EMSY: variants seen among roughly 807,000 people sequenced by gnomAD.
EMSY encodes EMSY transcriptional repressor, BRCA2 interacting, also known as BRCA2-interacting transcriptional repressor EMSY.
Under a neutral mutation model 134.6 loss-of-function variants are expected in EMSY, and 26 were observed. The observed-to-expected ratio is 0.19, with a 90% CI of 0.14 to 0.27. EMSY has a LOEUF of 0.27. Among genes scored for constraint, EMSY ranks in the 10% least tolerant of loss-of-function variants. The probability of loss-of-function intolerance (pLI) is 1.00; values close to 1 mark genes in which losing one functional copy is unlikely to be tolerated. For synonymous variants in EMSY, 579 were observed against 577.8 expected (o/e 1.00, Z -0.03); for missense variants, 1,305 against 1,611.4 (o/e 0.81, Z 3.26).
chr11:76,548,548 C>T (rs1339560475), intron 20 of EMSY, among the ~76,000 whole-genome samples: 3 of 152,124 alleles, frequency 2.0e-5, no homozygotes, highest in African/African-American at 7.2e-5. Flanking sequence ...CACAGTGTAT[C>T]CTCCAACTAT....
intron 9 of EMSY, among the ~76,000 whole-genome samples, chr11:76,506,672 G>A (rs763997691): frequency 2.6e-5 from 4 of 152,094 alleles, no homozygotes; most frequent in Admixed American, 6.5e-5. Flanking sequence ...ACATCCACCC[G>A]CCCCTATCAC....
chr11:76,486,941 TATACAA>T (rs1590867869), intron 8 of EMSY, among the ~76,000 whole-genome samples: 1 of 152,220 alleles, frequency 6.6e-6, no homozygotes, highest in East Asian at 1.9e-4. Flanking sequence ...CATGTCAGTT[TATACAA>T]TCAGAGAGAA....
chr11:76,499,152 G>A (rs1949759159), intron 9 of EMSY, among the ~76,000 whole-genome samples: 1 of 152,054 alleles, frequency 6.6e-6, no homozygotes, highest in African/African-American at 2.4e-5. Context: ...AGTAGAGACA[G>A]GGTTTTACCA....
At position 76,545,984 on chromosome 11, in the gene EMSY, T is replaced by C. The variant is rs1446452240; in HGVS notation, c.3461T>C (p.Leu1154Ser). The C allele has an allele frequency of 1.2e-5, 20 of 1,614,078 alleles. No individual in the cohort carries two copies. In the Admixed American group the frequency reaches 3.3e-4, roughly 27 times the overall value. Residue 1154 changes from leucine (L) to serine (S), a missense_variant, in exon 20 of 21, where the codon TTG (leucine) becomes TCG (serine). Leu to Ser is a moderately radical substitution (Grantham distance 145). Around this residue, in one of 7 missense-constraint regions of EMSY, gnomAD observed 664 missense variants for 763.9 expected, o/e 0.87. Transcript: ENST00000334736. ...GTGTCTGACATTTTGAAAATGTCTT[T>C]GATGGAAGCTCAGATTGATACAAAT...
chr11:76,548,476 C>A (rs527560748), intron 20 of EMSY, among the ~76,000 whole-genome samples: 25 of 152,244 alleles, frequency 1.6e-4, no homozygotes, highest in African/African-American at 5.3e-4. Context: ...CAAGATGTAT[C>A]TTCTATTATA....
At chr11:76,479,396 A>G (rs1208521302) in intron 8 of EMSY, among the ~76,000 whole-genome samples, 2 of 152,168 alleles carry the variant, frequency 1.3e-5, no homozygotes, top group Admixed American at 1.3e-4. Context: ...GTACACCCAG[A>G]TTCCCCTCAC....
intron 7 of EMSY, among the ~76,000 whole-genome samples, chr11:76,471,005 A>T (rs1201128902): frequency 6.6e-6 from 1 of 151,872 alleles, no homozygotes; most frequent in Non-Finnish European, 1.5e-5. Context: ...CTTTTTCTCC[A>T]TTCTTCATAT....
At chr11:76,489,547 T>G (rs971309087) in intron 8 of EMSY, among the ~76,000 whole-genome samples, 2 of 152,040 alleles carry the variant, frequency 1.3e-5, no homozygotes, top group Non-Finnish European at 2.9e-5. Flanking sequence ...TCCATGTCTG[T>G]CTTTTCTGAT....
chr11:76,548,358 CTG>C (rs1427172507), intron 20 of EMSY, among the ~76,000 whole-genome samples: 1 of 152,130 alleles, frequency 6.6e-6, no homozygotes, highest in Non-Finnish European at 1.5e-5. Flanking sequence ...TGTGGACAGT[CTG>C]TATTTTATTC....
rs535482010 is a variant in EMSY at position 76,539,676 on chromosome 11, G to A, written c.2557+36G>A. 2.5e-6 allele frequency: 4 copies of A among 1,599,934 alleles called. No individual in the cohort carries two copies. The Admixed American group carries it at 5.0e-5, about 20-fold the overall frequency. ...TGCATCCATTTGTAGTATCACTGAA[G>A]GTAAAAGATGATTGTTTTGGGGGGA... On this transcript the variant is annotated intron_variant, in intron 17 of 20. Transcript: ENST00000334736.
At chr11:76,523,882 C>T (rs1950748198) in intron 12 of EMSY, among the ~76,000 whole-genome samples, 1 of 151,196 alleles carries the variant, frequency 6.6e-6, no homozygotes, top group Admixed American at 6.6e-5. Flanking sequence ...CCCACCTCTA[C>T]CAAAATTTAT....
chr11:76,478,029 A>G (rs1349527610), intron 8 of EMSY, among the ~76,000 whole-genome samples: 1 of 152,070 alleles, frequency 6.6e-6, no homozygotes, highest in Non-Finnish European at 1.5e-5. Flanking sequence ...GTTACTTCCA[A>G]TTACGTTGTT....
chr11:76,551,304 T>G (rs1438802742), exon 21 of EMSY: 2 of 152,682 alleles, frequency 1.3e-5, no homozygotes, highest in East Asian at 3.8e-4. Context: ...GAAACTATAC[T>G]TTTCATTTTT....
At chr11:76,501,768 A>T (rs1590910433) in intron 9 of EMSY, among the ~76,000 whole-genome samples, 1 of 152,206 alleles carries the variant, frequency 6.6e-6, no homozygotes, top group Non-Finnish European at 1.5e-5. Flanking sequence ...GAAAAGAAAT[A>T]TTCAAAGAAA....
At chr11:76,531,599 G>T (rs923614629) in intron 14 of EMSY, among the ~76,000 whole-genome samples, 1 of 152,044 alleles carries the variant, frequency 6.6e-6, no homozygotes, top group Non-Finnish European at 1.5e-5. Flanking sequence ...TTGATCACTT[G>T]GTTAAGATGA....
chr11:76,445,316 G>C (rs1947332192), intron 1 of EMSY, among the ~76,000 whole-genome samples, 188 bp downstream of exon 1: 1 of 152,148 alleles, frequency 6.6e-6, no homozygotes, highest in Non-Finnish European at 1.5e-5. Context: ...TGGGACTCTG[G>C]GGGTTTAGCT....
At chr11:76,470,857 T>G (rs1432759863) in intron 7 of EMSY, among the ~76,000 whole-genome samples, 1 of 152,146 alleles carries the variant, frequency 6.6e-6, no homozygotes, top group Non-Finnish European at 1.5e-5. Context: ...TTCTTTTCTG[T>G]TTTTAAATTT....
intron 4 of EMSY, among the ~76,000 whole-genome samples, chr11:76,457,192 A>G (rs1056105257): frequency 1.3e-5 from 2 of 152,190 alleles, no homozygotes; most frequent in Non-Finnish European, 1.5e-5. Context: ...CAAGGGCTTT[A>G]TACTCTTATC....
chr11:76,503,186 A>G (rs1032256321), intron 9 of EMSY, among the ~76,000 whole-genome samples: 3 of 151,268 alleles, frequency 2.0e-5, no homozygotes, highest in Non-Finnish European at 2.9e-5. Context: ...CTGTAATCCC[A>G]GCTACTCGGG....
Sources: gnomAD v4.1 joint callset for allele counts (sites outside exome capture counted in the v4.1 genomes callset) on GRCh38, gnomAD v4.1.1 for gene constraint, gnomAD v4.1.1 regional missense constraint, MANE v1.5 for transcripts, NCBI Gene and HGNC (gene_info 2026-07-23, HGNC 2026-07-21) for gene names.